The following LAX1 variants were observed in gnomAD, a reference collection of about 807,000 sequenced individuals.
LAX1 encodes the protein lymphocyte transmembrane adapter 1.
In LAX1, 17 loss-of-function variants were observed where a neutral mutation model predicts 20.7. The ratio of observed to expected loss-of-function variants is 0.82; its 90% CI spans 0.56 to 1.23. The LOEUF (loss-of-function observed/expected upper bound fraction) is 1.23. LAX1 is among the 50% of genes most tolerant of loss of function. LAX1 has a pLI of 0.00. For synonymous variants in LAX1, 165 were observed against 181.0 expected (o/e 0.91, Z 0.71); for missense variants, 470 against 487.0 (o/e 0.97, Z 0.33).
Position 203,770,949 on chromosome 1 carries a change from G to T in LAX1, c.199+12G>T, listed in dbSNP as rs1381613166. 1 of 1,584,440 alleles carries T rather than the reference G, an allele frequency of 6.3e-7. No individual in the cohort carries two copies. Among genetic ancestry groups the T allele is most frequent in the South Asian group, 1.1e-5 (1 of 90,452 alleles). On this transcript the variant is annotated intron_variant, in intron 2 of 4. Coordinates refer to ENST00000442561, the MANE Select transcript of LAX1 (RefSeq NM_017773.4). ...TAAACGGAAGAAGCGTGAGTCCCTT[G>T]TTTGTCCTGAGTTGAGACACAGTAG...
Position 203,774,589 on chromosome 1 carries a change from G to A in LAX1, c.1105G>A (p.Asp369Asn). 3 of 1,614,178 alleles carry A rather than the reference G, an allele frequency of 1.9e-6. No individual in the cohort carries two copies. The highest frequency in any genetic ancestry group is 2.5e-6 in the Non-Finnish European group (3 of 1,180,032). Residue 369 changes from aspartate (D) to asparagine (N), a missense_variant, in exon 5 of 5, where the codon GAC becomes AAC. Asp to Asn is a conservative substitution (Grantham distance 23, BLOSUM62 1). Coordinates refer to ENST00000442561, the MANE Select transcript of LAX1 (RefSeq NM_017773.4). Reference protein sequence around the residue: ...MKHREEMSNEDSSDYENVLTA... With the variant: ...MKHREEMSNENSSDYENVLTA... ...ACATAGAGAAGAGATGTCAAATGAG[G>A]ACTCCAGTGACTATGAAAATGTGCT...
chr1:203,774,062 A>C lies in LAX1; in HGVS notation c.578A>C (p.Tyr193Ser). Reference sequence around the variant, plus strand: ...ATTTCTTCAGAGGATTCGCATGATTATGTCAATGTCCCCACAGCAGAAGAG... The same window carrying C: ...ATTTCTTCAGAGGATTCGCATGATTCTGTCAATGTCCCCACAGCAGAAGAG... ...ASISSEDSHD[Y>S]VNVPTAEEIA... is the part of the protein sequence containing the mutation. Residue 193 changes from tyrosine (Y) to serine (S), a missense_variant, in exon 5 of 5, where the codon TAT (tyrosine) becomes TCT (serine). Transcript: ENST00000442561. The C allele has an allele frequency of 6.2e-7, 1 of 1,614,108 alleles. No homozygotes were observed.
At chr1:203,769,397 A>AAAAAGAAAG (rs1321971035) in intron 1 of LAX1, among the ~76,000 whole-genome samples, 14 of 76,686 alleles carry the variant, frequency 1.8e-4, no homozygotes, top group African/African-American at 7.6e-4. Context: ...GTCTCAAAAA[A>AAAAAGAAAG]AAAGAAAGAA....
Position 203,774,167 on chromosome 1 carries a change from C to T in LAX1, c.683C>T (p.Thr228Ile). ...VLPSTQKLEF[T>I]EERDEGCGDA... ...CCCAGTACCCAGAAGCTGGAGTTTA[C>T]TGAGGAAAGAGATGAGGGCTGTGGA... Residue 228 changes from threonine (T) to isoleucine (I), a missense_variant, in exon 5 of 5, where the codon ACT becomes ATT. Transcript: ENST00000442561. 1 of 1,614,178 alleles carries T rather than the reference C, an allele frequency of 6.2e-7. No individual in the cohort carries two copies. Among genetic ancestry groups the T allele is most frequent in the Non-Finnish European group, 8.5e-7 (1 of 1,180,042 alleles).
rs1200921518 is a variant in LAX1 at position 203,769,397 on chromosome 1, A to AAAAG, written c.90-1388_90-1385dup. ...ACACAGCGAGACTCTGTCTCAAAAAAAAAGAAAGAAAGAAAGAAAGAAAGA... is the reference window on the plus strand; with the variant it reads ...ACACAGCGAGACTCTGTCTCAAAAAAAAAGAAAGAAAGAAAGAAAGAAAGAAAGA... On this transcript the variant is annotated intron_variant, in intron 1 of 4. Coordinates refer to ENST00000442561, the MANE Select transcript of LAX1 (RefSeq NM_017773.4). Among the ~76,000 whole-genome samples the AAAAG allele has an allele frequency of 8.8e-3, 675 of 76,746 alleles. 10 individuals carry two copies. Among genetic ancestry groups the AAAAG allele is most frequent in the African/African-American group, 0.034 (634 of 18,468 alleles). 50.3% of individuals were successfully genotyped at this position (76,746 alleles called of 152,430 possible). A position where few individuals can be genotyped will look rare whatever the true frequency, so the allele number is the denominator to read the frequency against.
At chr1:203,768,037 G>A (rs1407326551) in intron 1 of LAX1, among the ~76,000 whole-genome samples, 6 of 152,142 alleles carry the variant, frequency 3.9e-5, no homozygotes, top group South Asian at 4.2e-4. Flanking sequence ...CGGGCTGGGT[G>A]AGGTGGCTCA....
In LAX1 at chr1:203,774,956, C is replaced by G. The variant is rs1452930122; in HGVS notation, c.*275C>G. ...CTGCTTCCTAGAACTGTGAAGAAAG[C>G]AGGAAAGTAGTGCACAGTAGTCTAA... is the stretch of plus-strand genomic sequence containing the variant. On this transcript the variant is annotated 3_prime_UTR_variant, in exon 5 of 5. Transcript: ENST00000442561. The G allele has an allele frequency of 4.3e-6, 2 of 466,028 alleles. No homozygotes were observed. Among genetic ancestry groups the G allele is most frequent in the Non-Finnish European group, 7.6e-6 (2 of 262,358 alleles). The allele number at this position is 466,028 out of a possible 1,614,324, so 28.9% of individuals were successfully genotyped here. A position where few individuals can be genotyped will look rare whatever the true frequency, so the allele number is the denominator to read the frequency against.
At chr1:203,767,303 C>CTTTTTTTTTTTTTTTT (rs755164305) in intron 1 of LAX1, among the ~76,000 whole-genome samples, 1,052 of 90,370 alleles carry the variant, frequency 0.012, 149 homozygotes, top group East Asian at 0.1. Context: ...CTCTCCACTT[C>CTTTTTTTTTTTTTTTT]TTTTTTTTTT....
intron 2 of LAX1, 37 bp from the exon 3 acceptor site, chr1:203,771,330 C>A (rs3820196): frequency 0.13 from 158,509 of 1,263,870 alleles, 20,324 homozygotes; most frequent in East Asian, 0.6. Context: ...TGCAGCTGAC[C>A]CCCGCCATGA....
chr1:203,774,510 A>G lies in LAX1; in HGVS notation c.1026A>G (p.Ser342=). Reference sequence around the variant, plus strand: ...GTGTCAAAAGGACATTCCTTGCTTCAGGGGATTATGCAGACTTTCAGCCAT... The same window carrying G: ...GTGTCAAAAGGACATTCCTTGCTTCGGGGGATTATGCAGACTTTCAGCCAT... ...VQCVKRTFLA[S]GDYADFQPFT... The change falls in exon 5 of 5, where the codon TCA becomes TCG. Residue 342 remains serine, a synonymous_variant. Coordinates refer to ENST00000442561, the MANE Select transcript of LAX1 (RefSeq NM_017773.4). The G allele has an allele frequency of 6.8e-6, 11 of 1,614,236 alleles. No homozygotes were observed. Among genetic ancestry groups the G allele is most frequent in the Non-Finnish European group, 9.3e-6 (11 of 1,180,034 alleles).
chr1:203,770,712 C>A, intron 1 of LAX1, 116 bp from the exon 2 acceptor site: 1 of 788,670 alleles, frequency 1.3e-6, no homozygotes, highest in Non-Finnish European at 2.2e-6. Flanking sequence ...CCCACCTGGG[C>A]TTTCCTTCAC....
In LAX1 at chr1:203,775,012, G is replaced by A. The variant is rs1667487921; in HGVS notation, c.*331G>A. 1 of 288,570 alleles carries A rather than the reference G, an allele frequency of 3.5e-6. No homozygotes were observed. The highest frequency in any genetic ancestry group is 6.1e-5 in the South Asian group (1 of 16,262). The allele number at this position is 288,570 out of a possible 1,614,324, so 17.9% of individuals were successfully genotyped here. ...TTACCTTCATTAATACCAACAGGCT[G>A]CAAAGCAAGAGTATAGATTATTGTA... is the stretch of plus-strand genomic sequence containing the variant. On this transcript the variant is annotated 3_prime_UTR_variant, in exon 5 of 5. Transcript: ENST00000442561.
chr1:203,774,793 G>T lies in LAX1; in HGVS notation c.*112G>T. On this transcript the variant is annotated 3_prime_UTR_variant, in exon 5 of 5. Transcript: ENST00000442561. ...ACCTTAGTGCTTCAGTGGATTCACT[G>T]GTTAGATTAAAAAGAGGCTGAGATG... 1.2e-6 allele frequency: 1 copy of T among 855,578 alleles called. No individual in the cohort carries two copies. 53.0% of individuals were successfully genotyped at this position (855,578 alleles called of 1,614,324 possible).
chr1:203,770,354 T>G (rs1667382493), intron 1 of LAX1, among the ~76,000 whole-genome samples: 1 of 135,466 alleles, frequency 7.4e-6, no homozygotes, highest in Non-Finnish European at 1.7e-5. Context: ...AGGCGGAGGT[T>G]GCAGCGAGCT....
rs1342026545 is a variant in LAX1 at position 203,775,414 on chromosome 1, A to T, written c.*733A>T. 6.6e-6 allele frequency: 1 copy of T among 152,184 alleles called. No homozygotes were observed. Among genetic ancestry groups the T allele is most frequent in the Non-Finnish European group, 1.5e-5 (1 of 68,064 alleles). The allele number at this position is 152,184 out of a possible 1,614,324, so 9.4% of individuals were successfully genotyped here. On this transcript the variant is annotated 3_prime_UTR_variant, in exon 5 of 5. Transcript: ENST00000442561. The stretch of plus-strand genomic sequence containing the variant: ...TCTCAAAAAAAAAAACAAACAAAAA[A>T]GAAGTGTGGGCAACCAAATGTAGGT...
chr1:203,765,615 AG>A lies in LAX1; in HGVS notation c.51del (p.Glu17AspfsTer7). Reference protein sequence around the residue: ...TLSTIRGRTLESSTLHVTPRS... With the variant: ...TLSTIRGRTLXSSTLHVTPRS... Reference sequence around the variant, plus strand: ...TCGACAATCAGAGGGAGGACCTTGGAGTCCAGCACTCTGCATGTGACTCCCC... The same window carrying A: ...TCGACAATCAGAGGGAGGACCTTGGATCCAGCACTCTGCATGTGACTCCCC... On this transcript the variant is annotated frameshift_variant, in exon 1 of 5. Coordinates refer to ENST00000442561, the MANE Select transcript of LAX1 (RefSeq NM_017773.4). LOFTEE classifies it high-confidence loss of function. 1 of 1,614,134 alleles carries A rather than the reference AG, an allele frequency of 6.2e-7. No homozygotes were observed. Among genetic ancestry groups the A allele is most frequent in the Non-Finnish European group, 8.5e-7 (1 of 1,180,018 alleles).
chr1:203,774,190 G>A lies in LAX1; in HGVS notation c.706G>A (p.Gly236Arg). The A allele has an allele frequency of 1.2e-6, 2 of 1,614,186 alleles. No individual in the cohort carries two copies. Among genetic ancestry groups the A allele is most frequent in the Non-Finnish European group, 8.5e-7 (1 of 1,180,042 alleles). The stretch of plus-strand genomic sequence containing the variant: ...TACTGAGGAAAGAGATGAGGGCTGT[G>A]GAGATGCTGGTGACTGCACCAGTTT... Reference protein sequence around the residue: ...EFTEERDEGCGDAGDCTSLYS... With the variant: ...EFTEERDEGCRDAGDCTSLYS... Residue 236 changes from glycine (G) to arginine (R), a missense_variant, in exon 5 of 5, where the codon GGA becomes AGA. Physicochemically the swap from Gly to Arg is moderately radical, Grantham distance 125 (BLOSUM62 -2). Coordinates refer to ENST00000442561, the MANE Select transcript of LAX1 (RefSeq NM_017773.4).
chr1:203,774,664 C>T lies in LAX1; in HGVS notation c.1180C>T (p.Leu394Phe). The change falls in exon 5 of 5, where the codon CTC becomes TTC. Residue 394 changes from leucine to phenylalanine, a missense_variant. Leu to Phe is a conservative substitution (Grantham distance 22, BLOSUM62 0). Coordinates refer to ENST00000442561, the MANE Select transcript of LAX1 (RefSeq NM_017773.4). ...RDSEQGPGTQ[L>F]LPDE ...CTCTGAGCAGGGGCCTGGCACTCAG[C>T]TCCTTCCTGATGAATGAAGACCCAG... 6.2e-7 allele frequency: 1 copy of T among 1,613,700 alleles called. No homozygotes were observed.
Position 203,774,158 on chromosome 1 carries a change from TG to T in LAX1, c.676del (p.Glu226SerfsTer46). The T allele has an allele frequency of 6.2e-7, 1 of 1,614,214 alleles. No individual in the cohort carries two copies. Among genetic ancestry groups the T allele is most frequent in the Non-Finnish European group, 8.5e-7 (1 of 1,180,050 alleles). ...TTTGTTCTTCCCAGTACCCAGAAGC[TG>T]GAGTTTACTGAGGAAAGAGATGAGG... Reference protein sequence around the residue: ...NLFVLPSTQKLEFTEERDEGC... With the variant: ...NLFVLPSTQKXEFTEERDEGC... On this transcript the variant is annotated frameshift_variant, in exon 5 of 5. Coordinates refer to ENST00000442561, the MANE Select transcript of LAX1 (RefSeq NM_017773.4). LOFTEE classifies it low-confidence loss of function (END_TRUNC).
Sources: gnomAD v4.1 joint callset for allele counts (sites outside exome capture counted in the v4.1 genomes callset) on GRCh38, gnomAD v4.1.1 for gene constraint, MANE v1.5 for transcripts, NCBI Gene and HGNC (gene_info 2026-07-23, HGNC 2026-07-21) for gene names.